The following NFKBIA variants were observed in gnomAD, a reference collection of about 807,000 sequenced individuals.
NFKBIA encodes NF-kappa-B inhibitor alpha.
In NFKBIA, 10 loss-of-function variants were observed where a neutral mutation model predicts 36.3. The ratio of observed to expected loss-of-function variants is 0.28; its 90% confidence interval spans 0.17 to 0.47. The LOEUF (loss-of-function observed/expected upper bound fraction) is 0.47, where lower values mean the gene tolerates loss of function less well. Ranked by LOEUF, NFKBIA falls within the 20% of genes least tolerant of loss-of-function variation. The pLI, the probability that NFKBIA is intolerant of heterozygous loss-of-function variation, is 0.99. For missense variants in NFKBIA, 355 were observed against 399.3 expected (o/e 0.89, Z 0.94); for synonymous variants, 205 against 164.4 (o/e 1.25, Z -1.89).
chr14:35,403,310 T>C lies in NFKBIA; in HGVS notation c.387A>G (p.Ala129=). The change falls in exon 3 of 6, where the codon GCA becomes GCG. Residue 129 remains alanine (A), a synonymous_variant. Coordinates refer to ENST00000216797, the MANE Select transcript of NFKBIA (RefSeq NM_020529.3). ...CAGGATCACAGCCAGCTCCCAGAAG[T>C]GCCTCAGCAATTTCTGGCTGGTTGG... ...VITNQPEIAE[A]LLGAGCDPEL... 6.2e-7 allele frequency: 1 copy of C among 1,614,028 alleles called. No individual in the cohort carries two copies. The highest frequency in any genetic ancestry group is 1.7e-5 in the Admixed American group (1 of 60,018).
At chr14:35,403,440 G>T in intron 2 of NFKBIA, 80 bp from the exon 3 acceptor site, 1 of 1,482,242 alleles carries the variant, frequency 6.7e-7, no homozygotes. Context: ...CGTGTCTCCT[G>T]GTTGGGTGCT....
Position 35,402,611 on chromosome 14 carries a change from G to A in NFKBIA, c.689C>T (p.Pro230Leu). ...ALHLAVDLQNPDLVSLLLKCG... is the reference protein window; with the variant it reads ...ALHLAVDLQNLDLVSLLLKCG... Reference sequence around the variant, plus strand: ...CTTCAACAGGAGTGACACCAGGTCAGGATTTTGCAGGTCCACTGCGAGGTG... The same window carrying A: ...CTTCAACAGGAGTGACACCAGGTCAAGATTTTGCAGGTCCACTGCGAGGTG... Residue 230 changes from proline to leucine, a missense_variant, in exon 5 of 6, where the codon CCT (proline) becomes CTT (leucine). Pro to Leu is a moderately conservative substitution (Grantham distance 98). Coordinates refer to ENST00000216797, the MANE Select transcript of NFKBIA (RefSeq NM_020529.3). The A allele has an allele frequency of 6.2e-7, 1 of 1,614,252 alleles. No individual in the cohort carries two copies. Among genetic ancestry groups the A allele is most frequent in the African/African-American group, 1.3e-5 (1 of 75,064 alleles).
intron 1 of NFKBIA, chr14:35,404,027 G>A (rs2052759691): frequency 1.9e-6 from 1 of 535,898 alleles, no homozygotes; most frequent in Non-Finnish European, 3.3e-6. Flanking sequence ...CCGCCCTCCC[G>A]CCAGCTCGGA....
rs368072323 is a variant in NFKBIA at position 35,404,706 on chromosome 14, C to T, written c.-62G>A. 22 of 1,189,794 alleles carry T rather than the reference C, an allele frequency of 1.8e-5. No individual in the cohort carries two copies. Among genetic ancestry groups the T allele is most frequent in the Admixed American group, 8.4e-5 (2 of 23,752 alleles). The allele number at this position is 1,189,794 out of a possible 1,614,324, so 73.7% of individuals were successfully genotyped here. ...TGGGCCGCGGGCTGCGCGCTGCTTC[C>T]TCGCTGGGGCGCTGGCGGGCGGGAC... is the stretch of plus-strand genomic sequence containing the variant. On this transcript the variant is annotated 5_prime_UTR_variant, in exon 1 of 6. Coordinates refer to ENST00000216797, the MANE Select transcript of NFKBIA (RefSeq NM_020529.3).
rs2052740225 is a variant in NFKBIA at position 35,402,633 on chromosome 14, G to C, written c.667C>G (p.Leu223Val). The part of the protein sequence containing the change: ...EPCNGRTALH[L>V]AVDLQNPDLV... ...TCAGGATTTTGCAGGTCCACTGCGA[G>C]GTGAAGGGCAGTCCGGCCATTACAG... is the stretch of plus-strand genomic sequence containing the variant. The change falls in exon 5 of 6, where the codon CTC (leucine) becomes GTC (valine). Residue 223 changes from leucine to valine, a missense_variant. By Grantham distance (32) the Leu-to-Val change is conservative. Coordinates refer to ENST00000216797, the MANE Select transcript of NFKBIA (RefSeq NM_020529.3). The C allele has an allele frequency of 6.2e-7, 1 of 1,614,114 alleles. No homozygotes were observed. The highest frequency in any genetic ancestry group is 1.3e-5 in the African/African-American group (1 of 74,934).
rs769147621 is a variant in NFKBIA at position 35,403,687 on chromosome 14, C to T, written c.336+3G>A. On this transcript the variant is annotated splice_donor_region_variant and intron_variant, in intron 2 of 5. Transcript: ENST00000216797. ...GAGAACCCGGGCCAGGCAAGCGGCG[C>T]ACCTGCTGCAGGTTGTTCTGGAAGT... is the stretch of plus-strand genomic sequence containing the variant. The T allele has an allele frequency of 6.2e-6, 10 of 1,608,892 alleles. No homozygotes were observed. The highest frequency in any genetic ancestry group is 8.5e-6 in the Non-Finnish European group (10 of 1,175,848).
At chr14:35,403,009 C>T in intron 3 of NFKBIA, 141 bp downstream of exon 3, 2 of 1,224,418 alleles carry the variant, frequency 1.6e-6, no homozygotes, top group Non-Finnish European at 2.4e-6. Context: ...ATCCAATAGG[C>T]ACTTTGCACA....
Position 35,402,822 on chromosome 14 carries a change from G to A in NFKBIA, c.585C>T (p.Tyr195=), listed in dbSNP as rs1300120545. The change falls in exon 4 of 6, where the codon TAC becomes TAT. Residue 195 remains tyrosine, a synonymous_variant. Coordinates refer to ENST00000216797, the MANE Select transcript of NFKBIA (RefSeq NM_020529.3). The part of the protein sequence containing the change: ...TCLHLASIHG[Y]LGIVELLVSL... The stretch of plus-strand genomic sequence containing the variant: ...ACACCAAAAGCTCCACGATGCCCAG[G>A]TAGCCATGGATAGAGGCTAAGTGTA... 6.2e-7 allele frequency: 1 copy of A among 1,614,186 alleles called. No individual in the cohort carries two copies. Among genetic ancestry groups the A allele is most frequent in the Admixed American group, 1.7e-5 (1 of 60,028 alleles).
At chr14:35,402,932 A>G (rs2052743925) in intron 3 of NFKBIA, 73 bp from the exon 4 acceptor site, 6 of 1,451,612 alleles carry the variant, frequency 4.1e-6, no homozygotes, top group Non-Finnish European at 5.7e-6. Flanking sequence ...CTTTTATGGA[A>G]CAAGTAGTCT....
chr14:35,403,391 A>G (rs1397564621), intron 2 of NFKBIA, 31 bp from the exon 3 acceptor site: 1 of 1,611,460 alleles, frequency 6.2e-7, no homozygotes, highest in African/African-American at 1.3e-5. Context: ...AGAGAAAGTA[A>G]GCCATGGACC....
chr14:35,404,452 G>A lies in NFKBIA; in HGVS notation c.193C>T (p.Pro65Ser), dbSNP rs778206898. The A allele has an allele frequency of 1.9e-6, 3 of 1,596,674 alleles. No homozygotes were observed. The highest frequency in any genetic ancestry group is 4.6e-5 in the East Asian group (2 of 43,266). Reference protein sequence around the residue: ...EPQEVPRGSEPWKQQLTEDGD... With the variant: ...EPQEVPRGSESWKQQLTEDGD... ...TCCTCGGTGAGCTGCTGCTTCCAGG[G>A]CTCCGAGCCGCGCGGCACCTCCTGC... Residue 65 changes from proline to serine, a missense_variant, in exon 1 of 6, where the codon CCC (proline) becomes TCC (serine). Physicochemically the swap from Pro to Ser is moderately conservative, Grantham distance 74. Coordinates refer to ENST00000216797, the MANE Select transcript of NFKBIA (RefSeq NM_020529.3).
chr14:35,402,829 T>C lies in NFKBIA; in HGVS notation c.578A>G (p.His193Arg). ...AAGCTCCACGATGCCCAGGTAGCCA[T>C]GGATAGAGGCTAAGTGTAGACACGT... ...GHTCLHLASI[H>R]GYLGIVELLV... Residue 193 changes from histidine to arginine, a missense_variant, in exon 4 of 6, where the codon CAT (histidine) becomes CGT (arginine). His to Arg is a conservative substitution (Grantham distance 29). Transcript: ENST00000216797. 1 of 1,614,162 alleles carries C rather than the reference T, an allele frequency of 6.2e-7. No homozygotes were observed. Among genetic ancestry groups the C allele is most frequent in the East Asian group, 2.2e-5 (1 of 44,884 alleles).
At position 35,402,457 on chromosome 14, in the gene NFKBIA, T is replaced by C. The variant is rs752524885; in HGVS notation, c.843A>G (p.Pro281=). 2.5e-6 allele frequency: 4 copies of C among 1,614,198 alleles called. No homozygotes were observed. Among genetic ancestry groups the C allele is most frequent in the South Asian group, 1.1e-5 (1 of 91,088 alleles). Residue 281 remains proline (P), a synonymous_variant, in exon 5 of 6, where the codon CCA becomes CCG. Coordinates refer to ENST00000216797, the MANE Select transcript of NFKBIA (RefSeq NM_020529.3). ...QLTLENLQML[P]ESEDEESYDT... ...CATAGCTCTCCTCATCCTCACTCTC[T>C]GGCAGCATCTGAAGGTTTTCTAGTG...
chr14:35,402,055 G>C lies in NFKBIA; in HGVS notation c.912C>G (p.Pro304=). Residue 304 remains proline (P), a synonymous_variant, in exon 6 of 6, where the codon CCC becomes CCG. Transcript: ENST00000216797. The stretch of plus-strand genomic sequence containing the variant: ...GGCCTCCAAACACACAGTCATCATA[G>C]GGCAGCTGAAAACAAGGGGAAAAAA... ...EFTEFTEDEL[P]YDDCVFGGQR... The C allele has an allele frequency of 6.2e-7, 1 of 1,613,970 alleles. No homozygotes were observed. Among genetic ancestry groups the C allele is most frequent in the Non-Finnish European group, 8.5e-7 (1 of 1,180,000 alleles).
intron 2 of NFKBIA, 115 bp from the exon 3 acceptor site, chr14:35,403,475 G>A: frequency 8.4e-7 from 1 of 1,186,864 alleles, no homozygotes; most frequent in East Asian, 2.5e-5. Context: ...GGGGGGTGGG[G>A]AGGGCTGGCA....
chr14:35,404,686 C>G lies in NFKBIA; in HGVS notation c.-42G>C. On this transcript the variant is annotated 5_prime_UTR_variant, in exon 1 of 6. Coordinates refer to ENST00000216797, the MANE Select transcript of NFKBIA (RefSeq NM_020529.3). The stretch of plus-strand genomic sequence containing the variant: ...GGGCGCTGCTGCGGGTGCGCTGGGC[C>G]GCGGGCTGCGCGCTGCTTCCTCGCT... 7.6e-7 allele frequency: 1 copy of G among 1,312,448 alleles called. No individual in the cohort carries two copies. The highest frequency in any genetic ancestry group is 9.8e-7 in the Non-Finnish European group (1 of 1,018,740). The allele number at this position is 1,312,448 out of a possible 1,614,324, so 81.3% of individuals were successfully genotyped here. A position where few individuals can be genotyped will look rare whatever the true frequency, so the allele number is the denominator to read the frequency against.
chr14:35,401,929 T>C lies in NFKBIA; in HGVS notation c.*84A>G, dbSNP rs2138829469. The C allele has an allele frequency of 6.6e-7, 1 of 1,522,930 alleles. No individual in the cohort carries two copies. Among genetic ancestry groups the C allele is most frequent in the African/African-American group, 1.4e-5 (1 of 72,076 alleles). The allele number at this position is 1,522,930 out of a possible 1,614,324, so 94.3% of individuals were successfully genotyped here. On this transcript the variant is annotated 3_prime_UTR_variant, in exon 6 of 6. Transcript: ENST00000216797. Reference sequence around the variant, plus strand: ...GGATATAAGTACACCCTTTAAATTTTTTCTTCTTTTTTCTTTTTTTAGAAA... The same window carrying C: ...GGATATAAGTACACCCTTTAAATTTCTTCTTCTTTTTTCTTTTTTTAGAAA...
Position 35,404,724 on chromosome 14 carries a change from G to T in NFKBIA, c.-80C>A. ...CTGCTTCCTCGCTGGGGCGCTGGCG[G>T]GCGGGACGGCGGCACGGACTGCTGT... is the stretch of plus-strand genomic sequence containing the variant. On this transcript the variant is annotated 5_prime_UTR_variant, in exon 1 of 6. Transcript: ENST00000216797. 9.8e-7 allele frequency: 1 copy of T among 1,018,498 alleles called. No individual in the cohort carries two copies. Among genetic ancestry groups the T allele is most frequent in the East Asian group, 3.3e-5 (1 of 30,416 alleles). 63.1% of individuals were successfully genotyped at this position (1,018,498 alleles called of 1,614,324 possible).
rs1430171440 is a variant in NFKBIA, at chr14:35,403,706, T to G, written c.320A>C (p.Gln107Pro). 6.2e-7 allele frequency: 1 copy of G among 1,613,538 alleles called. No homozygotes were observed. Among genetic ancestry groups the G allele is most frequent in the Non-Finnish European group, 8.5e-7 (1 of 1,179,624 alleles). The change falls in exon 2 of 6, where the codon CAG (glutamine) becomes CCG (proline). Residue 107 changes from glutamine (Q) to proline (P), a missense_variant. By Grantham distance (76) the Gln-to-Pro change is moderately conservative. Coordinates refer to ENST00000216797, the MANE Select transcript of NFKBIA (RefSeq NM_020529.3). ...GCGGCGCACCTGCTGCAGGTTGTTC[T>G]GGAAGTTGAGGAAGGCCAGGTCTCC... ...VKGDLAFLNF[Q>P]NNLQQTPLHL...
Sources: gnomAD v4.1 joint callset for allele counts on GRCh38, gnomAD v4.1.1 for gene constraint, MANE v1.5 for transcripts, NCBI Gene and HGNC (gene_info 2026-07-23, HGNC 2026-07-21) for gene names.